Variants in OR10G4 observed in about 807,000 individuals in gnomAD.
The protein encoded by OR10G4 is olfactory receptor 10G4.
For synonymous variants in OR10G4, 130 were observed against 159.3 expected, an observed-to-expected ratio of 0.82 and a Z score of 1.39; for missense variants, 318 against 388.8, an observed-to-expected ratio of 0.82 and a Z score of 1.53.
chr11:124,016,858 G>C lies in OR10G4; in HGVS notation c.*348G>C, dbSNP rs1475433987. On this transcript the variant is annotated 3_prime_UTR_variant, in exon 2 of 2. Coordinates refer to ENST00000641722, the MANE Select transcript of OR10G4 (RefSeq NM_001004462.2). ...TGATTTCATATACACATAAACTTAA[G>C]AATTTACCATCATGGAGACATAGTT... 1 of 166,898 alleles carries C rather than the reference G, an allele frequency of 6.0e-6. No individual in the cohort carries two copies. The highest frequency in any genetic ancestry group is 1.3e-5 in the Non-Finnish European group (1 of 77,832). The allele number at this position is 166,898 out of a possible 1,614,324, so 10.3% of individuals were successfully genotyped here.
At chr11:124,015,360 C>T (rs1186549235) in intron 1 of OR10G4, 188 bp from the exon 2 acceptor site, 4 of 618,000 alleles carry the variant, frequency 6.5e-6, no homozygotes, top group South Asian at 4.2e-5. Flanking sequence ...TGTGTGTGTG[C>T]ACCTGTGTGC....
In OR10G4 at chr11:124,016,409, A is replaced by G. The variant is rs1864021093; in HGVS notation, c.835A>G (p.Thr279Ala). Reference sequence around the variant, plus strand: ...TGTGGCCATTTTCTACACTGTGCTGACGCCCCTTCTCAACCCTGTTGTGTA... The same window carrying G: ...TGTGGCCATTTTCTACACTGTGCTGGCGCCCCTTCTCAACCCTGTTGTGTA... Reference protein sequence around the residue: ...GVVAIFYTVLTPLLNPVVYTL... With the variant: ...GVVAIFYTVLAPLLNPVVYTL... Residue 279 changes from threonine to alanine, a missense_variant, in exon 2 of 2, where the codon ACG becomes GCG. By Grantham distance (58) the Thr-to-Ala change is moderately conservative. Transcript: ENST00000641722. The G allele has an allele frequency of 2.5e-6, 4 of 1,614,180 alleles. No homozygotes were observed. Among genetic ancestry groups the G allele is most frequent in the Non-Finnish European group, 3.4e-6 (4 of 1,180,032 alleles).
rs1864031330 is a variant in OR10G4 at position 124,017,500 on chromosome 11, T to C, written c.*990T>C. On this transcript the variant is annotated 3_prime_UTR_variant, in exon 2 of 2. Coordinates refer to ENST00000641722, the MANE Select transcript of OR10G4 (RefSeq NM_001004462.2). ...CACAACAAAACTTACCATGGCCAAA[T>C]GCCGATAGTGCTGAGGATGAGAACC... 6.6e-6 allele frequency: 1 copy of C among 152,218 alleles called. No individual in the cohort carries two copies. The highest frequency in any genetic ancestry group is 1.5e-5 in the Non-Finnish European group (1 of 68,042). The allele number at this position is 152,218 out of a possible 1,614,324, so 9.4% of individuals were successfully genotyped here. A position where few individuals can be genotyped will look rare whatever the true frequency, so the allele number is the denominator to read the frequency against.
At chr11:124,014,491 G>A (rs1390443747) in intron 1 of OR10G4, among the ~76,000 whole-genome samples, 1 of 152,094 alleles carries the variant, frequency 6.6e-6, no homozygotes, top group Non-Finnish European at 1.5e-5. Flanking sequence ...GCGATGCCTC[G>A]CCCTGCTTCG....
Position 124,015,918 on chromosome 11 carries a change from C to T in OR10G4, c.344C>T (p.Thr115Ile), listed in dbSNP as rs148563076. The change falls in exon 2 of 2, where the codon ACA (threonine) becomes ATA (isoleucine). Residue 115 changes from threonine to isoleucine, a missense_variant. Transcript: ENST00000641722. ...FLGSTECFLY[T>I]VMSYDRYLAI... The stretch of plus-strand genomic sequence containing the variant: ...GGGAGCACCGAGTGTTTCCTCTACA[C>T]AGTCATGTCCTATGATCGCTACTTG... 2.7e-4 allele frequency: 430 copies of T among 1,613,692 alleles called. 1 individual carries two copies. In the African/African-American group the frequency reaches 5.4e-3, roughly 20 times the overall value.
chr11:124,014,509 C>T (rs1863997982), intron 1 of OR10G4, among the ~76,000 whole-genome samples: 1 of 152,246 alleles, frequency 6.6e-6, no homozygotes, highest in South Asian at 2.1e-4. Context: ...TCGGCTCACA[C>T]ATGGTGTGCT....
Position 124,015,410 on chromosome 11 carries a change from C to G in OR10G4, c.-27-138C>G, listed in dbSNP as rs138371320. 18 of 810,344 alleles carry G rather than the reference C, an allele frequency of 2.2e-5. No homozygotes were observed. In the African/African-American group the frequency reaches 3.1e-4, roughly 14 times the overall value. The allele number at this position is 810,344 out of a possible 1,614,324, so 50.2% of individuals were successfully genotyped here. Reference sequence around the variant, plus strand: ...GGCTGAAATAATTTCATCATCATCTCTGTGAGGGAAGCTTTGTAACAAGCG... The same window carrying G: ...GGCTGAAATAATTTCATCATCATCTGTGTGAGGGAAGCTTTGTAACAAGCG... On this transcript the variant is annotated intron_variant, in intron 1 of 1. Transcript: ENST00000641722.
rs562441225 is a variant in OR10G4, at chr11:124,017,609, G to A, written c.*1099G>A. The A allele has an allele frequency of 6.6e-6, 1 of 152,316 alleles. No individual in the cohort carries two copies. Among genetic ancestry groups the A allele is most frequent in the South Asian group, 2.1e-4 (1 of 4,822 alleles). 9.4% of individuals were successfully genotyped at this position (152,316 alleles called of 1,614,324 possible). A position where few individuals can be genotyped will look rare whatever the true frequency, so the allele number is the denominator to read the frequency against. ...TTTTCAGATAAATATAAAATTTGCT[G>A]AATGAATCTAGGATTATAAAGTGCA... On this transcript the variant is annotated 3_prime_UTR_variant, in exon 2 of 2. Coordinates refer to ENST00000641722, the MANE Select transcript of OR10G4 (RefSeq NM_001004462.2).
At chr11:124,013,844 A>G (rs996417463) in intron 1 of OR10G4, among the ~76,000 whole-genome samples, 1 of 152,210 alleles carries the variant, frequency 6.6e-6, no homozygotes, top group African/African-American at 2.4e-5. Flanking sequence ...CAGGTATTAA[A>G]AAAGAAACAT....
rs758098337 is a variant in OR10G4, at chr11:124,015,799, G to T, written c.225G>T (p.Thr75=). 3.2e-5 allele frequency: 52 copies of T among 1,604,658 alleles called. No individual in the cohort carries two copies. The highest frequency in any genetic ancestry group is 2.8e-4 in the Admixed American group (17 of 59,672). Residue 75 remains threonine, a synonymous_variant, in exon 2 of 2, where the codon ACG becomes ACT. Coordinates refer to ENST00000641722, the MANE Select transcript of OR10G4 (RefSeq NM_001004462.2). ...SFIDMWFSTV[T]VPKMLMTLVS... is the part of the protein sequence containing the mutation. ...TTGACATGTGGTTCTCCACTGTCAC[G>T]GTGCCCAAAATGCTGATGACCTTGG...
rs113152282 is a variant in OR10G4 at position 124,017,716 on chromosome 11, G to A, written c.*1206G>A. 3 of 152,082 alleles carry A rather than the reference G, an allele frequency of 2.0e-5. No homozygotes were observed. The highest frequency in any genetic ancestry group is 4.8e-5 in the African/African-American group (2 of 41,412). 9.4% of individuals were successfully genotyped at this position (152,082 alleles called of 1,614,324 possible). A position where few individuals can be genotyped will look rare whatever the true frequency, so the allele number is the denominator to read the frequency against. On this transcript the variant is annotated 3_prime_UTR_variant, in exon 2 of 2. Coordinates refer to ENST00000641722, the MANE Select transcript of OR10G4 (RefSeq NM_001004462.2). ...ATGCTATTCCAAGTAAAATCCCAGC[G>A]TTTGATTTTGCAGCTATGGACATGT... is the stretch of plus-strand genomic sequence containing the variant.
In OR10G4 at chr11:124,015,643, C is replaced by A. The variant is rs1310659979; in HGVS notation, c.69C>A (p.Ala23=). The A allele has an allele frequency of 1.2e-6, 2 of 1,605,164 alleles. No homozygotes were observed. The highest frequency in any genetic ancestry group is 1.7e-6 in the Non-Finnish European group (2 of 1,175,590). ...TGLPHAPGLD[A]LLFGIFLVVY... Reference sequence around the variant, plus strand: ...TTCCCCATGCCCCAGGGCTGGACGCCCTCCTCTTTGGAATCTTCCTGGTGG... The same window carrying A: ...TTCCCCATGCCCCAGGGCTGGACGCACTCCTCTTTGGAATCTTCCTGGTGG... The change falls in exon 2 of 2, where the codon GCC becomes GCA. Residue 23 remains alanine (A), a synonymous_variant. Coordinates refer to ENST00000641722, the MANE Select transcript of OR10G4 (RefSeq NM_001004462.2).
At position 124,018,176 on chromosome 11, in the gene OR10G4, A is replaced by C. The variant is rs1864036484; in HGVS notation, c.*1666A>C. The C allele has an allele frequency of 6.6e-6, 1 of 152,224 alleles. No homozygotes were observed. Among genetic ancestry groups the C allele is most frequent in the South Asian group, 2.1e-4 (1 of 4,828 alleles). 9.4% of individuals were successfully genotyped at this position (152,224 alleles called of 1,614,324 possible). A position where few individuals can be genotyped will look rare whatever the true frequency, so the allele number is the denominator to read the frequency against. On this transcript the variant is annotated 3_prime_UTR_variant, in exon 2 of 2. Transcript: ENST00000641722. The stretch of plus-strand genomic sequence containing the variant: ...TAGTGATGCAAAACCTTCTTGGAAA[A>C]AAATTAATTAAAATACTTTTTTAAA...
At chr11:124,015,174 G>T in intron 1 of OR10G4, 1 of 234,040 alleles carries the variant, frequency 4.3e-6, no homozygotes, top group East Asian at 1.0e-4. Flanking sequence ...CAGCTTCTGG[G>T]GACACATTGA....
Position 124,017,199 on chromosome 11 carries a change from C to T in OR10G4, c.*689C>T, listed in dbSNP as rs1565591547. 6.6e-6 allele frequency: 1 copy of T among 152,160 alleles called. No individual in the cohort carries two copies. Among genetic ancestry groups the T allele is most frequent in the Non-Finnish European group, 1.5e-5 (1 of 68,026 alleles). 9.4% of individuals were successfully genotyped at this position (152,160 alleles called of 1,614,324 possible). A position where few individuals can be genotyped will look rare whatever the true frequency, so the allele number is the denominator to read the frequency against. On this transcript the variant is annotated 3_prime_UTR_variant, in exon 2 of 2. Transcript: ENST00000641722. ...CAATGAATCAATTAGAAATTGTATA[C>T]TCACAGAATAGATTACTATCCAGCA...
rs750218941 is a variant in OR10G4, at chr11:124,016,504, G to C, written c.930G>C (p.Arg310Ser). 3.3e-5 allele frequency: 52 copies of C among 1,576,132 alleles called. No individual in the cohort carries two copies. The highest frequency in any genetic ancestry group is 4.1e-5 in the Non-Finnish European group (48 of 1,163,756). Residue 310 changes from arginine (R) to serine (S), a missense_variant, in exon 2 of 2, where the codon AGG becomes AGC. Coordinates refer to ENST00000641722, the MANE Select transcript of OR10G4 (RefSeq NM_001004462.2). ...KLRDKVAHPQ[R>S]K ...GAGACAAAGTAGCACATCCTCAGAG[G>C]AAATAAATACTAGGAAGTAAATACA...
In OR10G4 at chr11:124,016,312, G is replaced by T. The variant is rs1300997455; in HGVS notation, c.738G>T (p.Val246=). The T allele has an allele frequency of 6.2e-6, 10 of 1,614,144 alleles. No individual in the cohort carries two copies. The highest frequency in any genetic ancestry group is 8.5e-6 in the Non-Finnish European group (10 of 1,180,016). The change falls in exon 2 of 2, where the codon GTG becomes GTT. Residue 246 remains valine (V), a synonymous_variant. Transcript: ENST00000641722. ...AFQTCASHCI[V]VLCFFVPCVV... is the part of the protein sequence containing the mutation. ...AGACCTGTGCCTCCCACTGTATTGT[G>T]GTCCTTTGCTTCTTTGTTCCCTGTG...
rs1238450193 is a variant in OR10G4, at chr11:124,018,224, T to C, written c.*1714T>C. The C allele has an allele frequency of 1.2e-4, 19 of 152,354 alleles. No homozygotes were observed. The highest frequency in any genetic ancestry group is 2.4e-4 in the Non-Finnish European group (16 of 68,028). 9.4% of individuals were successfully genotyped at this position (152,354 alleles called of 1,614,324 possible). On this transcript the variant is annotated 3_prime_UTR_variant, in exon 2 of 2. Coordinates refer to ENST00000641722, the MANE Select transcript of OR10G4 (RefSeq NM_001004462.2). Reference sequence around the variant, plus strand: ...AAATTTATTTTTTATTATTATACTTTAAGTTCTGGCATACATGTGCACAAC... The same window carrying C: ...AAATTTATTTTTTATTATTATACTTCAAGTTCTGGCATACATGTGCACAAC...
Position 124,018,146 on chromosome 11 carries a change from C to G in OR10G4, c.*1636C>G, listed in dbSNP as rs1864036327. The stretch of plus-strand genomic sequence containing the variant: ...GTATGACACTTCTTTAGGTAAGACA[C>G]TTTTTAGTGATGCAAAACCTTCTTG... On this transcript the variant is annotated 3_prime_UTR_variant, in exon 2 of 2. Coordinates refer to ENST00000641722, the MANE Select transcript of OR10G4 (RefSeq NM_001004462.2). The G allele has an allele frequency of 6.6e-6, 1 of 152,102 alleles. No individual in the cohort carries two copies. The highest frequency in any genetic ancestry group is 2.4e-5 in the African/African-American group (1 of 41,424). 9.4% of individuals were successfully genotyped at this position (152,102 alleles called of 1,614,324 possible). A position where few individuals can be genotyped will look rare whatever the true frequency, so the allele number is the denominator to read the frequency against.
Sources: gnomAD v4.1 joint callset for allele counts (sites outside exome capture counted in the v4.1 genomes callset) on GRCh38, gnomAD v4.1.1 for gene constraint, MANE v1.5 for transcripts, NCBI Gene and HGNC (gene_info 2026-07-23, HGNC 2026-07-21) for gene names.